RXFP1: variants seen among roughly 807,000 people sequenced by gnomAD.
RXFP1 encodes relaxin receptor 1.
RXFP1 carries 73 observed loss-of-function variants against 89.8 expected under a neutral mutation model. The observed-to-expected ratio is 0.81, with a 90% confidence interval of 0.67 to 0.99. The LOEUF is 0.99. Ranked by LOEUF, RXFP1 falls within the 50% of genes least tolerant of loss-of-function variation. The pLI, the probability that RXFP1 is intolerant of heterozygous loss-of-function variation, is 0.00. For synonymous variants in RXFP1, 277 were observed against 305.5 expected (o/e 0.91, Z 0.97); for missense variants, 793 against 895.5 (o/e 0.89, Z 1.46).
rs1307332440 is a variant in RXFP1 at position 158,521,968 on chromosome 4, T to A, written c.-9T>A. 20 of 1,607,526 alleles carry A rather than the reference T, an allele frequency of 1.2e-5. No individual in the cohort carries two copies. Among genetic ancestry groups the A allele is most frequent in the Non-Finnish European group, 1.5e-5 (18 of 1,175,652 alleles). ...CACTTTCATTAATCAGTTGCTCAGATAGAAGGAAATGACATCTGGTTCTGT... is the reference window on the plus strand; with the variant it reads ...CACTTTCATTAATCAGTTGCTCAGAAAGAAGGAAATGACATCTGGTTCTGT... On this transcript the variant is annotated 5_prime_UTR_variant, in exon 1 of 18. An upstream open reading frame in the 5' UTR loses its in-frame stop. Transcript: ENST00000307765.
chr4:158,611,984 G>A (rs552445336), intron 6 of RXFP1, 146 bp from the exon 7 acceptor site: 1 of 627,934 alleles, frequency 1.6e-6, no homozygotes. Flanking sequence ...GTAAGTGGTA[G>A]CAATTCTTAG....
Position 158,542,109 on chromosome 4 carries a change from A to ATATATATATATATATATATATATTTTTT in RXFP1, c.49+20085_49+20086insATATATATATATATATATATATTTTTTT. Among the ~76,000 whole-genome samples, 21 of 35,216 alleles carry ATATATATATATATATATATATATTTTTT rather than the reference A, an allele frequency of 6.0e-4. 2 individuals carry two copies. Among genetic ancestry groups the ATATATATATATATATATATATATTTTTT allele is most frequent in the Non-Finnish European group, 8.3e-4 (15 of 17,990 alleles). The allele number at this position is 35,216 out of a possible 152,430, so 23.1% of individuals were successfully genotyped here. On this transcript the variant is annotated intron_variant, in intron 1 of 17. Transcript: ENST00000307765. ...TATATATATATATATATATATATATATTTTTTTTTTAGTAGAGACAGGGTT... is the reference window on the plus strand; with the variant it reads ...TATATATATATATATATATATATATATATATATATATATATATATATATTTTTTTTTTTTTTTTAGTAGAGACAGGGTT...
chr4:158,543,925 T>C (rs1747498484), intron 1 of RXFP1: 5 of 985,390 alleles, frequency 5.1e-6, no homozygotes, highest in Non-Finnish European at 6.0e-6. Context: ...TGAATATCGA[T>C]ATAGTAGTAT....
chr4:158,632,896 G>C (rs1198949090), intron 11 of RXFP1, among the ~76,000 whole-genome samples: 2 of 152,184 alleles, frequency 1.3e-5, no homozygotes, highest in East Asian at 3.9e-4. Flanking sequence ...ATCAGGCCAG[G>C]TGCAGTGGCT....
In RXFP1 at chr4:158,605,131, T is replaced by C; in HGVS notation, c.456T>C (p.Leu152=). The C allele has an allele frequency of 6.3e-7, 1 of 1,585,258 alleles. No homozygotes were observed. The highest frequency in any genetic ancestry group is 8.6e-7 in the Non-Finnish European group (1 of 1,158,362). The part of the protein sequence containing the change: ...PPDCFKNYHD[L]QKLYLQNNKI... ...ATTGCTTCAAGAATTATCATGATCT[T>C]CAGAAGCTGTAAGAAAATACTTAAT... Residue 152 remains leucine (L), a synonymous_variant, in exon 5 of 18, where the codon CTT becomes CTC. Coordinates refer to ENST00000307765, the MANE Select transcript of RXFP1 (RefSeq NM_021634.4).
intron 1 of RXFP1, among the ~76,000 whole-genome samples, chr4:158,531,917 TA>T (rs199962940): frequency 0.77 from 111,049 of 144,164 alleles, 43,961 homozygotes; most frequent in East Asian, 0.98. Context: ...TTGGTTTGGG[TA>T]TTTTGTTTGT....
intron 1 of RXFP1, chr4:158,543,787 G>A: frequency 4.1e-6 from 4 of 984,958 alleles, no homozygotes; most frequent in South Asian, 9.4e-5. Context: ...GAATCAAATA[G>A]TATTACAACA....
chr4:158,545,786 T>C (rs2149855032), intron 1 of RXFP1, among the ~76,000 whole-genome samples: 1 of 152,310 alleles, frequency 6.6e-6, no homozygotes, highest in South Asian at 2.1e-4. Flanking sequence ...TTCTGAGGGC[T>C]CTGTTCTGTT....
rs549523137 is a variant in RXFP1, at chr4:158,633,505, GTTTC to G, written c.971+33_971+36del. 211 of 1,373,290 alleles carry G rather than the reference GTTTC, an allele frequency of 1.5e-4. No individual in the cohort carries two copies. In the East Asian group the frequency reaches 4.3e-3, roughly 28 times the overall value. 85.1% of individuals were successfully genotyped at this position (1,373,290 alleles called of 1,614,324 possible). A position where few individuals can be genotyped will look rare whatever the true frequency, so the allele number is the denominator to read the frequency against. On this transcript the variant is annotated intron_variant, in intron 12 of 17. Coordinates refer to ENST00000307765, the MANE Select transcript of RXFP1 (RefSeq NM_021634.4). Reference sequence around the variant, plus strand: ...AGACTGATGTTAATTTTGCCACCTCGTTTCTTTATTTTATTATTTTTTAAATTGT... The same window carrying G: ...AGACTGATGTTAATTTTGCCACCTCGTTTATTTTATTATTTTTTAAATTGT...
At chr4:158,559,300 T>TC (rs1404732368) in intron 1 of RXFP1, among the ~76,000 whole-genome samples, 3 of 152,108 alleles carry the variant, frequency 2.0e-5, no homozygotes, top group Non-Finnish European at 4.4e-5. Flanking sequence ...CAAGACCCTT[T>TC]CTCCAAAAAA....
At chr4:158,547,796 C>T (rs199906424) in intron 1 of RXFP1, among the ~76,000 whole-genome samples, 391 of 152,160 alleles carry the variant, frequency 2.6e-3, no homozygotes, top group African/African-American at 9.0e-3. Context: ...CTAGTTTGAT[C>T]GCACTGTGGT....
At chr4:158,618,744 GC>G in intron 9 of RXFP1, among the ~76,000 whole-genome samples, 1 of 152,138 alleles carries the variant, frequency 6.6e-6, no homozygotes, top group East Asian at 1.9e-4. Context: ...ACAGATGACA[GC>G]CCAGGAAATT....
chr4:158,564,374 G>A (rs1003185332), intron 1 of RXFP1, among the ~76,000 whole-genome samples: 2 of 152,058 alleles, frequency 1.3e-5, no homozygotes, highest in African/African-American at 4.8e-5. Flanking sequence ...CAAATATTTG[G>A]AAGAAGACTA....
chr4:158,579,897 TTA>T (rs1756994966), intron 2 of RXFP1, among the ~76,000 whole-genome samples: 1 of 152,292 alleles, frequency 6.6e-6, no homozygotes, highest in South Asian at 2.1e-4. Context: ...TTGTACTCTT[TTA>T]TGTTATGGTG....
intron 2 of RXFP1, among the ~76,000 whole-genome samples, chr4:158,586,970 C>A (rs1361214576): frequency 6.6e-6 from 1 of 152,064 alleles, no homozygotes; most frequent in African/African-American, 2.4e-5. Flanking sequence ...GCTAAAGAAG[C>A]CGAGTGAAAG....
intron 14 of RXFP1, among the ~76,000 whole-genome samples, chr4:158,643,437 C>T (rs1770784563): frequency 6.8e-6 from 1 of 147,092 alleles, no homozygotes. Flanking sequence ...TGAATAGATT[C>T]TCAGGAATGG....
chr4:158,593,846 CAG>C (rs1760019714), intron 3 of RXFP1, among the ~76,000 whole-genome samples: 1 of 152,070 alleles, frequency 6.6e-6, no homozygotes, highest in African/African-American at 2.4e-5. Flanking sequence ...GTAAAGAAAA[CAG>C]AGAAAGTAGA....
chr4:158,532,190 G>T (rs779118738), intron 1 of RXFP1, among the ~76,000 whole-genome samples: 1 of 150,416 alleles, frequency 6.6e-6, no homozygotes, highest in Non-Finnish European at 1.5e-5. Flanking sequence ...AACATGTAGC[G>T]TTTGTTTTTC....
Position 158,620,304 on chromosome 4 carries a change from A to G in RXFP1, c.755+3099A>G, listed in dbSNP as rs183330419. On this transcript the variant is annotated intron_variant, in intron 9 of 17. Coordinates refer to ENST00000307765, the MANE Select transcript of RXFP1 (RefSeq NM_021634.4). ...GAGACAAAAATAAAGGCAAAACAGA[A>G]TCCAAAAGCTGCAGGATAATACAAT... Among the ~76,000 whole-genome samples, 4 of 152,246 alleles carry G rather than the reference A, an allele frequency of 2.6e-5. No homozygotes were observed. In the East Asian group the frequency reaches 7.7e-4, roughly 29 times the overall value.
Sources: gnomAD v4.1 joint callset for allele counts (sites outside exome capture counted in the v4.1 genomes callset) on GRCh38, gnomAD v4.1.1 for gene constraint, MANE v1.5 for transcripts, NCBI Gene and HGNC (gene_info 2026-07-23, HGNC 2026-07-21) for gene names.